The following YAP1 variants were observed in gnomAD, a reference collection of about 807,000 sequenced individuals.
The protein encoded by YAP1 is transcriptional coactivator YAP1.
In YAP1, 5 loss-of-function variants were observed where a neutral mutation model predicts 56.9. The observed-to-expected ratio is 0.09, with a 90% CI of 0.05 to 0.18. YAP1 has a LOEUF of 0.18. YAP1 is among the 10% of genes least tolerant of loss of function. YAP1 has a pLI of 1.00. For missense variants in YAP1, 539 were observed against 651.8 expected (o/e 0.83, Z 1.88); for synonymous variants, 265 against 248.1 (o/e 1.07, Z -0.64).
At chr11:102,170,981 GAAA>G (rs1462520980) in intron 3 of YAP1, among the ~76,000 whole-genome samples, 2 of 137,534 alleles carry the variant, frequency 1.5e-5, no homozygotes, top group African/African-American at 2.6e-5. Context: ...AAAAAAAAAA[GAAA>G]AAAAAAATTT....
At chr11:102,215,284 G>A (rs1034302203) in intron 6 of YAP1, among the ~76,000 whole-genome samples, 1 of 152,024 alleles carries the variant, frequency 6.6e-6, no homozygotes, top group Non-Finnish European at 1.5e-5. Context: ...TCTAAATTTG[G>A]ATTTCCAGTT....
chr11:102,125,421 G>A (rs1943976592), intron 2 of YAP1, among the ~76,000 whole-genome samples: 1 of 147,124 alleles, frequency 6.8e-6, no homozygotes, highest in South Asian at 2.1e-4. Context: ...CTGTTGCCCA[G>A]GCTGGAGTGC....
intron 1 of YAP1, among the ~76,000 whole-genome samples, chr11:102,112,246 A>C (rs1165695781): frequency 6.6e-6 from 1 of 152,132 alleles, no homozygotes; most frequent in Non-Finnish European, 1.5e-5. Context: ...ATTGCTTTTT[A>C]ATTCTTATTG....
At chr11:102,118,146 A>G (rs915547581) in intron 2 of YAP1, among the ~76,000 whole-genome samples, 1 of 152,238 alleles carries the variant, frequency 6.6e-6, no homozygotes, top group Admixed American at 6.5e-5. Context: ...AATCTGGATC[A>G]GTGATTTTAA....
chr11:102,125,941 A>G (rs1465321437), intron 2 of YAP1, among the ~76,000 whole-genome samples: 1 of 151,972 alleles, frequency 6.6e-6, no homozygotes, highest in African/African-American at 2.4e-5. Context: ...AGCAGCCACT[A>G]TCTCTAGCTA....
chr11:102,197,160 C>T (rs1243193904), intron 4 of YAP1, among the ~76,000 whole-genome samples: 1 of 152,024 alleles, frequency 6.6e-6, no homozygotes, highest in African/African-American at 2.4e-5. Flanking sequence ...TGAGTACACT[C>T]GTAGGTATGA....
At chr11:102,227,916 A>T (rs1950272259) in intron 8 of YAP1, among the ~76,000 whole-genome samples, 1 of 152,038 alleles carries the variant, frequency 6.6e-6, no homozygotes, top group Non-Finnish European at 1.5e-5. Context: ...AAAAAAACAT[A>T]CAAAAATAAG....
chr11:102,213,384 G>A (rs1256546151), intron 6 of YAP1, among the ~76,000 whole-genome samples: 3 of 152,200 alleles, frequency 2.0e-5, no homozygotes, highest in African/African-American at 4.8e-5. Flanking sequence ...TGCTCAGGAG[G>A]CTGAGGAGGG....
rs1277129236 is a variant in YAP1 at position 102,162,533 on chromosome 11, G to A, written c.650G>A (p.Ser217Asn). ...LSQMNVTAPT[S>N]PPVQQNMMNS... Reference sequence around the variant, plus strand: ...CAGATGAACGTCACAGCCCCCACCAGTCCACCAGTGCAGCAGAATATGATG... The same window carrying A: ...CAGATGAACGTCACAGCCCCCACCAATCCACCAGTGCAGCAGAATATGATG... The change falls in exon 3 of 9, where the codon AGT becomes AAT. Residue 217 changes from serine to asparagine, a missense_variant. Ser to Asn is a conservative substitution (Grantham distance 46, BLOSUM62 1). Transcript: ENST00000282441. 2.5e-6 allele frequency: 4 copies of A among 1,614,156 alleles called. No homozygotes were observed. Among genetic ancestry groups the A allele is most frequent in the Non-Finnish European group, 3.4e-6 (4 of 1,180,012 alleles).
intron 2 of YAP1, among the ~76,000 whole-genome samples, chr11:102,158,609 C>G (rs1203526980): frequency 3.3e-5 from 5 of 152,224 alleles, no homozygotes; most frequent in African/African-American, 1.2e-4. Context: ...TTGATAGTAT[C>G]CATTCTTTGA....
At chr11:102,222,514 C>T (rs1314072560) in intron 6 of YAP1, among the ~76,000 whole-genome samples, 1 of 152,092 alleles carries the variant, frequency 6.6e-6, no homozygotes, top group Non-Finnish European at 1.5e-5. Context: ...GTTTGGAAGC[C>T]CTTGAAGGCA....
chr11:102,178,869 G>A (rs928151176), intron 3 of YAP1, among the ~76,000 whole-genome samples: 7 of 152,156 alleles, frequency 4.6e-5, no homozygotes, highest in African/African-American at 1.7e-4. Context: ...CTTCTGGTGA[G>A]GACCTCAGGA....
chr11:102,198,036 T>C (rs1948659333), intron 4 of YAP1, among the ~76,000 whole-genome samples: 1 of 152,234 alleles, frequency 6.6e-6, no homozygotes, highest in South Asian at 2.1e-4. Flanking sequence ...GAATTGGTCA[T>C]TTAAGTGAGT....
rs1271904113 is a variant in YAP1, at chr11:102,228,688, C to CTAAG, written c.1277-1013_1277-1010dup. Among the ~76,000 whole-genome samples the CTAAG allele has an allele frequency of 2.8e-5, 4 of 142,026 alleles. No homozygotes were observed. In the Admixed American group the frequency reaches 2.9e-4, roughly 10 times the overall value. 93.2% of individuals were successfully genotyped at this position (142,026 alleles called of 152,430 possible). On this transcript the variant is annotated intron_variant, in intron 8 of 8. Transcript: ENST00000282441. The stretch of plus-strand genomic sequence containing the variant: ...AATAGTTGCAGGGGTCTTGCAGGAG[C>CTAAG]TAAGAAATACCTGCCTCACAGGGGT...
intron 7 of YAP1, among the ~76,000 whole-genome samples, chr11:102,225,468 A>G (rs1273997354): frequency 2.0e-5 from 3 of 152,212 alleles, no homozygotes; most frequent in African/African-American, 7.2e-5. Flanking sequence ...CTGGGCAACA[A>G]GAGTGAAACT....
chr11:102,188,601 A>G (rs575851343), intron 4 of YAP1, among the ~76,000 whole-genome samples: 1 of 152,316 alleles, frequency 6.6e-6, no homozygotes, highest in East Asian at 1.9e-4. Flanking sequence ...ATACACAAAT[A>G]CTACCCGTTG....
At chr11:102,136,960 A>T (rs1034252422) in intron 2 of YAP1, among the ~76,000 whole-genome samples, 1 of 152,180 alleles carries the variant, frequency 6.6e-6, no homozygotes, top group Non-Finnish European at 1.5e-5. Flanking sequence ...TCTTTGTTGT[A>T]GTCAGATAAA....
intron 2 of YAP1, among the ~76,000 whole-genome samples, chr11:102,125,796 A>G (rs1944004687): frequency 6.6e-6 from 1 of 152,128 alleles, no homozygotes. Context: ...TTAGGATATT[A>G]TACTGTTTCT....
intron 2 of YAP1, among the ~76,000 whole-genome samples, chr11:102,147,824 G>A (rs529865568): frequency 3.3e-4 from 50 of 151,884 alleles, no homozygotes; most frequent in African/African-American, 1.0e-3. Context: ...TAAACATTTC[G>A]TAACCATGTA....
Sources: gnomAD v4.1 joint callset for allele counts (sites outside exome capture counted in the v4.1 genomes callset) on GRCh38, gnomAD v4.1.1 for gene constraint, MANE v1.5 for transcripts, NCBI Gene and HGNC (gene_info 2026-07-23, HGNC 2026-07-21) for gene names.